Variants in TGFBRAP1 observed in about 807,000 individuals in gnomAD.
TGFBRAP1 encodes transforming growth factor beta receptor associated protein 1, also known as transforming growth factor-beta receptor-associated protein 1.
Under a neutral mutation model 83.2 loss-of-function variants are expected in TGFBRAP1, and 20 were observed. The observed-to-expected ratio is 0.24, with a 90% CI of 0.17 to 0.35. TGFBRAP1 has a LOEUF of 0.35. Among genes scored for constraint, TGFBRAP1 ranks in the 10% least tolerant of loss-of-function variants. TGFBRAP1 has a pLI of 1.00. For missense variants in TGFBRAP1, 950 were observed against 1,099.4 expected, an observed-to-expected ratio of 0.86 and a Z score of 1.92; for synonymous variants, 415 against 459.8, an observed-to-expected ratio of 0.90 and a Z score of 1.25.
chr2:105,326,397 A>T (rs577662295), intron 1 of TGFBRAP1, among the ~76,000 whole-genome samples: 12 of 152,190 alleles, frequency 7.9e-5, no homozygotes, highest in Non-Finnish European at 1.6e-4. Context: ...CTTCCTCAAT[A>T]CTGAACCTTC....
At chr2:105,260,588 G>A (rs1203992024), downstream of TGFBRAP1, among the ~76,000 whole-genome samples, 2 of 152,180 alleles carry the variant, frequency 1.3e-5, no homozygotes, top group East Asian at 1.9e-4. Context: ...TCAGGGGCTG[G>A]GGAGGGAGAA....
chr2:105,249,702 G>A, the TGFBRAP1 span: 5 of 152,176 alleles, frequency 3.3e-5, no homozygotes, highest in African/African-American at 1.2e-4. Flanking sequence ...CACTGATTAC[G>A]ATCAACTCTG....
chr2:105,317,395 C>T (rs931891671), intron 1 of TGFBRAP1, among the ~76,000 whole-genome samples: 8 of 151,602 alleles, frequency 5.3e-5, no homozygotes, highest in African/African-American at 1.9e-4. Context: ...CAAGATCGTG[C>T]CACTGCACTC....
intron 1 of TGFBRAP1, among the ~76,000 whole-genome samples, chr2:105,315,625 G>A (rs1678830940): frequency 6.6e-6 from 1 of 152,108 alleles, no homozygotes; most frequent in Non-Finnish European, 1.5e-5. Flanking sequence ...ATCTTTAACC[G>A]AGATATTTAT....
intron 1 of TGFBRAP1, among the ~76,000 whole-genome samples, chr2:105,323,089 G>C (rs1446270543): frequency 2.0e-5 from 3 of 152,154 alleles, no homozygotes; most frequent in African/African-American, 7.2e-5. Flanking sequence ...CAACACAGTG[G>C]GACACCTTGC....
At chr2:105,323,937 A>T (rs934996574) in intron 1 of TGFBRAP1, among the ~76,000 whole-genome samples, 1 of 152,162 alleles carries the variant, frequency 6.6e-6, no homozygotes, top group African/African-American at 2.4e-5. Flanking sequence ...GGAGGAGTTT[A>T]GATAAATCCA....
chr2:105,307,043 G>A (rs1678523001), intron 2 of TGFBRAP1, among the ~76,000 whole-genome samples: 1 of 152,168 alleles, frequency 6.6e-6, no homozygotes, highest in African/African-American at 2.4e-5. Flanking sequence ...TAGAAATTAG[G>A]TGGGAGGAAA....
At chr2:105,311,059 T>C (rs1573211492) in intron 1 of TGFBRAP1, among the ~76,000 whole-genome samples, 2 of 149,268 alleles carry the variant, frequency 1.3e-5, no homozygotes, top group African/African-American at 4.9e-5. Context: ...ACATTTGCAG[T>C]AAAGAATATT....
chr2:105,267,716 G>A (rs534090209), intron 11 of TGFBRAP1, 157 bp from the exon 12 acceptor site: 1 of 985,422 alleles, frequency 1.0e-6, no homozygotes, highest in East Asian at 1.1e-4. Context: ...AATGCTAAAG[G>A]TGTAAATAAA....
At position 105,282,831 on chromosome 2, in the gene TGFBRAP1, GAA is replaced by G. The variant is rs11288685; in HGVS notation, c.1121+1483_1121+1484del. On this transcript the variant is annotated intron_variant, in intron 5 of 11. Coordinates refer to ENST00000393359, the MANE Select transcript of TGFBRAP1 (RefSeq NM_004257.6). ...ACAGAATGAGATGCTGCTTCAAAAC[GAA>G]AAAAAAAAAAAAAATCCGTTCTCTC... 7.6e-4 allele frequency among the ~76,000 whole-genome samples: 101 copies of G among 132,984 alleles called. 1 individual carries two copies. Among genetic ancestry groups the G allele is most frequent in the East Asian group, 6.7e-3 (32 of 4,752 alleles). 87.2% of individuals were successfully genotyped at this position (132,984 alleles called of 152,430 possible). A position where few individuals can be genotyped will look rare whatever the true frequency, so the allele number is the denominator to read the frequency against.
At chr2:105,256,918 C>T in the TGFBRAP1 span, among the ~76,000 whole-genome samples, 1 of 152,208 alleles carries the variant, frequency 6.6e-6, no homozygotes, top group Non-Finnish European at 1.5e-5. Flanking sequence ...GACCTCTGGT[C>T]GTCCTCACTG....
chr2:105,268,345 G>A (rs952379696), intron 11 of TGFBRAP1, among the ~76,000 whole-genome samples: 4 of 152,126 alleles, frequency 2.6e-5, no homozygotes, highest in Non-Finnish European at 5.9e-5. Flanking sequence ...TAATAGTAGC[G>A]GGTAACAGCT....
intron 5 of TGFBRAP1, among the ~76,000 whole-genome samples, chr2:105,281,430 C>A (rs1677533886): frequency 6.6e-6 from 1 of 152,118 alleles, no homozygotes; most frequent in Non-Finnish European, 1.5e-5. Context: ...CAGGGGCCAC[C>A]CCACCCCAGA....
At chr2:105,289,209 G>T (rs540299309) in intron 4 of TGFBRAP1, among the ~76,000 whole-genome samples, 13 of 109,496 alleles carry the variant, frequency 1.2e-4, no homozygotes, top group African/African-American at 3.4e-4. Context: ...AAAAAAAAGT[G>T]GGGGGGTGCC....
Position 105,291,476 on chromosome 2 carries a change from A to G in TGFBRAP1, c.1038+4880T>C, listed in dbSNP as rs560483359. Reference sequence around the variant, plus strand: ...GTCTCCTCTGAAAAGAGAGAGAATGATTGGTTCATAACAGCACTACTCACC... The same window carrying G: ...GTCTCCTCTGAAAAGAGAGAGAATGGTTGGTTCATAACAGCACTACTCACC... On this transcript the variant is annotated intron_variant, in intron 4 of 11. Coordinates refer to ENST00000393359, the MANE Select transcript of TGFBRAP1 (RefSeq NM_004257.6). 3.9e-5 allele frequency among the ~76,000 whole-genome samples: 6 copies of G among 152,338 alleles called. No individual in the cohort carries two copies. In the East Asian group the frequency reaches 9.6e-4, roughly 24 times the overall value.
rs763294008 is a variant in TGFBRAP1 at position 105,277,711 on chromosome 2, C to T, written c.1464-40G>A. ...CACGGTAAGTACAACCTCTCCCCAT[C>T]AGCTCCTGGAGGCGACCTTCACACA... On this transcript the variant is annotated intron_variant, in intron 6 of 11. Transcript: ENST00000393359. 2.5e-6 allele frequency: 4 copies of T among 1,604,876 alleles called. No individual in the cohort carries two copies. The South Asian group carries it at 3.3e-5, about 13-fold the overall frequency.
chr2:105,275,792 A>G (rs1677320591), intron 7 of TGFBRAP1, 89 bp from the exon 8 acceptor site: 2 of 1,362,072 alleles, frequency 1.5e-6, no homozygotes, highest in East Asian at 2.4e-5. Context: ...GAAATGGCAT[A>G]TGTTTACTTA....
At chr2:105,318,784 T>A (rs1678964948) in intron 1 of TGFBRAP1, among the ~76,000 whole-genome samples, 1 of 152,184 alleles carries the variant, frequency 6.6e-6, no homozygotes, top group African/African-American at 2.4e-5. Context: ...GACCAGCATG[T>A]GGTAGATGGC....
At chr2:105,287,300 G>A (rs1267977247) in intron 4 of TGFBRAP1, among the ~76,000 whole-genome samples, 1 of 151,986 alleles carries the variant, frequency 6.6e-6, no homozygotes, top group Non-Finnish European at 1.5e-5. Context: ...GCACAGCATG[G>A]TGAATACACT....
Sources: allele counts gnomAD v4.1 joint callset (sites outside exome capture counted in the v4.1 genomes callset), GRCh38; gene constraint gnomAD v4.1.1; transcripts MANE v1.5; gene names NCBI Gene and HGNC (gene_info 2026-07-23, HGNC 2026-07-21).